The following EEIG1 variants were observed in gnomAD, a reference collection of about 807,000 sequenced individuals.
EEIG1 encodes the protein early estrogen-induced gene 1 protein.
chr9:127,954,034 C>T, the EEIG1 span: 2 of 1,329,294 alleles, frequency 1.5e-6, no homozygotes, highest in East Asian at 2.3e-5. Context: ...CGGTGGGAAG[C>T]TCCACTTTCA....
the EEIG1 span, chr9:127,953,935 A>G: frequency 3.7e-6 from 6 of 1,613,492 alleles, no homozygotes; most frequent in South Asian, 3.3e-5. Context: ...CCTGTGGGCC[A>G]GAGGCGACAG....
chr9:127,974,440 G>T, the EEIG1 span, among the ~76,000 whole-genome samples: 2 of 152,162 alleles, frequency 1.3e-5, no homozygotes, highest in African/African-American at 2.4e-5. Flanking sequence ...TGTTGGCCAG[G>T]GGCTTCTATG....
chr9:127,942,753 AGACGT>A, the EEIG1 span: 15 of 200,160 alleles, frequency 7.5e-5, no homozygotes, highest in East Asian at 2.1e-3. Flanking sequence ...CCTGCTGCTA[AGACGT>A]GACCAAAGCC....
chr9:127,944,931 G>C, the EEIG1 span: 314 of 1,601,842 alleles, frequency 2.0e-4, no homozygotes, highest in Non-Finnish European at 2.5e-4. Context: ...AAGTCACAAC[G>C]GTCAGGGCAG....
the EEIG1 span, among the ~76,000 whole-genome samples, chr9:127,952,828 C>T: frequency 6.6e-6 from 1 of 152,124 alleles, no homozygotes; most frequent in African/African-American, 2.4e-5. Context: ...ATTCTTGTGC[C>T]CCAGCCTCCC....
the EEIG1 span, among the ~76,000 whole-genome samples, chr9:127,946,856 C>T: frequency 2.0e-5 from 3 of 152,180 alleles, no homozygotes; most frequent in African/African-American, 7.2e-5. Flanking sequence ...CACATGAGGC[C>T]TGTGCTCTAA....
At chr9:127,969,911 T>C in the EEIG1 span, among the ~76,000 whole-genome samples, 1 of 152,044 alleles carries the variant, frequency 6.6e-6, no homozygotes, top group African/African-American at 2.4e-5. Flanking sequence ...CCCAAAAGTG[T>C]GGGGCATCTC....
chr9:127,950,890 CG>C, the EEIG1 span, among the ~76,000 whole-genome samples: 1 of 152,174 alleles, frequency 6.6e-6, no homozygotes, highest in South Asian at 2.1e-4. Context: ...CGGGAGCTGC[CG>C]GGTCAGCAGG....
chr9:127,980,174 A>G, the EEIG1 span: 1 of 1,597,850 alleles, frequency 6.3e-7, no homozygotes. Context: ...CGAAGGCGAA[A>G]AAAGGTGGAG....
chr9:127,958,970 T>C, the EEIG1 span, among the ~76,000 whole-genome samples: 1 of 152,150 alleles, frequency 6.6e-6, no homozygotes, highest in Admixed American at 6.5e-5. Flanking sequence ...AAAACTAAAA[T>C]GAGATACTAC....
chr9:127,977,950 C>T, the EEIG1 span, among the ~76,000 whole-genome samples: 1 of 152,226 alleles, frequency 6.6e-6, no homozygotes, highest in African/African-American at 2.4e-5. Flanking sequence ...GCTTAGGTAA[C>T]TTGCCCAATG....
chr9:127,976,662 C>G, the EEIG1 span, among the ~76,000 whole-genome samples: 2 of 152,254 alleles, frequency 1.3e-5, no homozygotes, highest in East Asian at 1.9e-4. The surrounding 1 kb of genome is among the most constrained non-coding windows in gnomAD (Gnocchi z 4.1). Flanking sequence ...CAGCCTGATG[C>G]ACCACCTGCT....
the EEIG1 span, chr9:127,953,880 G>C: frequency 6.2e-7 from 1 of 1,613,962 alleles, no homozygotes; most frequent in Non-Finnish European, 8.5e-7. Context: ...TACACACGAA[G>C]GTGAACCTCT....
At chr9:127,980,652 G>C in the EEIG1 span, 4 of 150,580 alleles carry the variant, frequency 2.7e-5, no homozygotes, top group East Asian at 7.8e-4. Context: ...CCTGGGTGCC[G>C]GGCGGCCAGC....
chr9:127,942,908 TG>T, the EEIG1 span: 1 of 491,028 alleles, frequency 2.0e-6, no homozygotes, highest in Non-Finnish European at 3.7e-6. Context: ...AGCTCCTTCT[TG>T]CCCACAAGCT....
At chr9:127,961,581 T>C in the EEIG1 span, among the ~76,000 whole-genome samples, 3 of 152,222 alleles carry the variant, frequency 2.0e-5, no homozygotes, top group Non-Finnish European at 4.4e-5. Context: ...AAGGGGCTTA[T>C]ACTCTGGCAG....
chr9:127,953,648 CCCAGGGA>C, the EEIG1 span: 2 of 1,612,242 alleles, frequency 1.2e-6, no homozygotes, highest in Non-Finnish European at 1.7e-6. Context: ...ACTGCAGAAT[CCCAGGGA>C]CCTCATGCAT....
chr9:127,955,807 G>A, the EEIG1 span, among the ~76,000 whole-genome samples: 1 of 152,250 alleles, frequency 6.6e-6, no homozygotes, highest in East Asian at 1.9e-4. Flanking sequence ...CTTTGAGGAT[G>A]TGACCAAGGC....
the EEIG1 span, among the ~76,000 whole-genome samples, chr9:127,970,158 C>T: frequency 6.6e-6 from 1 of 152,028 alleles, no homozygotes; most frequent in East Asian, 1.9e-4. Flanking sequence ...CTGTCGCCTA[C>T]GCTGGAGTGC....
Sources: allele counts gnomAD v4.1 joint callset (sites outside exome capture counted in the v4.1 genomes callset), GRCh38; gene constraint gnomAD v4.1.1; non-coding constraint Gnocchi (gnomAD v3.1); transcripts MANE v1.5; gene names NCBI Gene and HGNC (gene_info 2026-07-23, HGNC 2026-07-21).